Variants in CCSER1 observed in about 807,000 individuals in gnomAD.
CCSER1 encodes the protein serine-rich coiled-coil domain-containing protein 1.
Under a neutral mutation model 82.0 loss-of-function variants are expected in CCSER1, and 41 were observed. The observed-to-expected ratio is 0.50, with a 90% CI of 0.39 to 0.65. The LOEUF is 0.65. CCSER1 is among the 30% of genes least tolerant of loss of function. CCSER1 has a pLI of 0.00. For missense variants in CCSER1, 1,119 were observed against 1,064.2 expected (o/e 1.05, Z -0.72); for synonymous variants, 414 against 383.9 (o/e 1.08, Z -0.92).
chr4:91,395,982 T>TCCTGCCATGATGCCTGCCC (rs1431778512), intron 10 of CCSER1, among the ~76,000 whole-genome samples: 1 of 152,116 alleles, frequency 6.6e-6, no homozygotes, highest in African/African-American at 2.4e-5. Context: ...TTTGCCTGGC[T>TCCTGCCATGATGCCTGCCC]CCTGCCATGA....
intron 5 of CCSER1, among the ~76,000 whole-genome samples, chr4:90,496,696 C>T (rs1246569343): frequency 6.6e-6 from 1 of 151,952 alleles, no homozygotes; most frequent in Non-Finnish European, 1.5e-5. Context: ...TAAAAGTCAT[C>T]GGCCAGGCAC....
chr4:90,393,980 G>A (rs2153540500), intron 3 of CCSER1, among the ~76,000 whole-genome samples: 1 of 151,266 alleles, frequency 6.6e-6, no homozygotes, highest in South Asian at 2.1e-4. Flanking sequence ...GGGTCTCGCT[G>A]TTTTGCCCAG....
At chr4:91,154,645 C>G (rs181079154) in intron 10 of CCSER1, among the ~76,000 whole-genome samples, 2 of 151,942 alleles carry the variant, frequency 1.3e-5, no homozygotes, top group South Asian at 4.1e-4. Context: ...GGAGCTCTTC[C>G]TATTTGGCCA....
intron 10 of CCSER1, among the ~76,000 whole-genome samples, chr4:91,129,169 A>G (rs1191280567): frequency 1.3e-5 from 2 of 152,126 alleles, no homozygotes; most frequent in African/African-American, 4.8e-5. Context: ...AGCTTTGCCT[A>G]GAAATTTTAC....
intron 8 of CCSER1, among the ~76,000 whole-genome samples, chr4:90,850,849 C>T (rs1454533424): frequency 6.6e-6 from 1 of 152,288 alleles, no homozygotes; most frequent in East Asian, 1.9e-4. Flanking sequence ...AATGTGAGGA[C>T]ATGATATTTG....
At chr4:90,571,719 C>T (rs1780138597) in intron 5 of CCSER1, among the ~76,000 whole-genome samples, 1 of 152,076 alleles carries the variant, frequency 6.6e-6, no homozygotes, top group Non-Finnish European at 1.5e-5. Flanking sequence ...TTATAACAAA[C>T]TGGTACATGT....
intron 10 of CCSER1, among the ~76,000 whole-genome samples, chr4:91,127,928 C>G (rs147808119): frequency 1.3e-4 from 20 of 149,272 alleles, no homozygotes; most frequent in African/African-American, 4.5e-4. Context: ...CATACATGCT[C>G]AAATTTCCAT....
At chr4:91,331,946 C>T (rs1647792265) in intron 10 of CCSER1, among the ~76,000 whole-genome samples, 1 of 152,060 alleles carries the variant, frequency 6.6e-6, no homozygotes, top group African/African-American at 2.4e-5. Context: ...GTTTTCATCA[C>T]CATCAAAATT....
intron 1 of CCSER1, among the ~76,000 whole-genome samples, chr4:90,136,019 T>G (rs1046980795): frequency 6.6e-6 from 1 of 152,246 alleles, no homozygotes. Context: ...TTTCTCTTTT[T>G]CTAGTCACCT....
At chr4:91,454,077 G>A (rs1018299921) in intron 10 of CCSER1, among the ~76,000 whole-genome samples, 2 of 152,062 alleles carry the variant, frequency 1.3e-5, no homozygotes, top group Non-Finnish European at 2.9e-5. Context: ...TTAACGTTCA[G>A]AGGTAATCAA....
chr4:90,768,155 C>G (rs143616047), intron 7 of CCSER1, among the ~76,000 whole-genome samples: 3,188 of 152,298 alleles, frequency 0.021, 52 homozygotes, highest in Middle Eastern at 0.034. Flanking sequence ...AACTCACCCT[C>G]CCTTGGTTCA....
intron 4 of CCSER1, among the ~76,000 whole-genome samples, chr4:90,457,486 G>A (rs894587113): frequency 6.6e-6 from 1 of 152,166 alleles, no homozygotes; most frequent in African/African-American, 2.4e-5. Flanking sequence ...GCAAAGAGGT[G>A]TTTTATTGAG....
At chr4:91,509,375 G>T (rs56142832) in intron 10 of CCSER1, among the ~76,000 whole-genome samples, 4 of 151,672 alleles carry the variant, frequency 2.6e-5, no homozygotes, top group African/African-American at 9.7e-5. Flanking sequence ...TAATTTCCAC[G>T]CATTTGTAAA....
intron 3 of CCSER1, among the ~76,000 whole-genome samples, chr4:90,333,897 T>C (rs1234775785): frequency 6.6e-6 from 1 of 152,216 alleles, no homozygotes; most frequent in African/African-American, 2.4e-5. Context: ...AAAACATTTG[T>C]ATCATCATTG....
At chr4:91,370,295 A>C (rs1749943632) in intron 10 of CCSER1, among the ~76,000 whole-genome samples, 1 of 152,244 alleles carries the variant, frequency 6.6e-6, no homozygotes, top group Non-Finnish European at 1.5e-5. Flanking sequence ...TCATGAAATA[A>C]AACTCATGCT....
At chr4:91,111,232 C>G (rs986384641) in intron 10 of CCSER1, among the ~76,000 whole-genome samples, 7 of 151,970 alleles carry the variant, frequency 4.6e-5, no homozygotes, top group African/African-American at 1.7e-4. Context: ...TATACAAGGT[C>G]TGCAGACACT....
chr4:91,339,168 T>G (rs1345680753), intron 10 of CCSER1, among the ~76,000 whole-genome samples: 1 of 152,176 alleles, frequency 6.6e-6, no homozygotes, highest in Non-Finnish European at 1.5e-5. Flanking sequence ...AGTAAGTATA[T>G]CTTTGCTTTA....
intron 6 of CCSER1, among the ~76,000 whole-genome samples, chr4:90,628,928 G>A (rs529501786): frequency 3.8e-4 from 58 of 152,204 alleles, no homozygotes; most frequent in African/African-American, 1.3e-3. Context: ...TTACTTCATA[G>A]ACATGTGAAG....
chr4:91,219,057 T>A (rs1381305382), intron 10 of CCSER1, among the ~76,000 whole-genome samples: 9 of 152,202 alleles, frequency 5.9e-5, no homozygotes, highest in Admixed American at 1.3e-4. Context: ...ACACATAGAT[T>A]CAGGCAAGCC....
Sources: allele counts gnomAD v4.1 joint callset (sites outside exome capture counted in the v4.1 genomes callset), GRCh38; gene constraint gnomAD v4.1.1; transcripts MANE v1.5; gene names NCBI Gene and HGNC (gene_info 2026-07-23, HGNC 2026-07-21).